The following IL18RAP variants were observed in gnomAD, a reference collection of about 807,000 sequenced individuals.
IL18RAP encodes the protein interleukin 18 receptor accessory protein.
In IL18RAP, 37 loss-of-function variants were observed where a neutral mutation model predicts 58.1. That is an observed-to-expected ratio of 0.64 (90% CI 0.49 to 0.84). IL18RAP has a LOEUF of 0.84. Ranked by LOEUF, IL18RAP falls within the 40% of genes least tolerant of loss-of-function variation. IL18RAP has a pLI of 0.00. For missense variants in IL18RAP, 667 were observed against 704.8 expected (o/e 0.95, Z 0.61); for synonymous variants, 268 against 257.5 (o/e 1.04, Z -0.39).
chr2:102,431,148 TG>T (rs1682324306), intron 3 of IL18RAP, among the ~76,000 whole-genome samples: 1 of 152,224 alleles, frequency 6.6e-6, no homozygotes, highest in Admixed American at 6.5e-5. Context: ...TTTGTTTGTC[TG>T]GGAAAGTTTA....
chr2:102,443,386 A>C, intron 6 of IL18RAP, 63 bp downstream of exon 6: 3 of 1,568,750 alleles, frequency 1.9e-6, no homozygotes, highest in Non-Finnish European at 2.6e-6. Flanking sequence ...TACCTTTAGA[A>C]ATGCCTAAAG....
intron 4 of IL18RAP, chr2:102,439,513 C>G (rs995963021): frequency 6.6e-6 from 1 of 152,316 alleles, no homozygotes; most frequent in African/African-American, 2.4e-5. Flanking sequence ...CAGGCACAGT[C>G]GTGGAGCAGC....
intron 3 of IL18RAP, among the ~76,000 whole-genome samples, chr2:102,431,390 A>G (rs1682344457): frequency 6.6e-6 from 1 of 152,192 alleles, no homozygotes; most frequent in Non-Finnish European, 1.5e-5. Flanking sequence ...ATTATGATGT[A>G]TCTTGGTAAA....
At chr2:102,443,079 T>C (rs1558644636) in intron 5 of IL18RAP, 121 bp from the exon 6 acceptor site, 1 of 892,638 alleles carries the variant, frequency 1.1e-6, no homozygotes, top group Admixed American at 2.5e-5. Context: ...CTGGCACACA[T>C]ATTCTACCTG....
At chr2:102,421,303 G>T (rs1681562692), upstream of IL18RAP, among the ~76,000 whole-genome samples, 1 of 152,180 alleles carries the variant, frequency 6.6e-6, no homozygotes, top group African/African-American at 2.4e-5. Flanking sequence ...TTATCCAGGT[G>T]GTCAGGGAAC....
rs370359061 is a variant in IL18RAP at position 102,424,144 on chromosome 2, C to G, written c.395+9C>G. The G allele has an allele frequency of 8.7e-6, 14 of 1,607,780 alleles. No homozygotes were observed. The highest frequency in any genetic ancestry group is 1.2e-5 in the Non-Finnish European group (14 of 1,175,772). ...AGACCCAAGATGATTAAGTATGATC[C>G]AAATACATTTCTATCTGAAAACATT... On this transcript the variant is annotated intron_variant, in intron 2 of 9. Coordinates refer to ENST00000687160, the MANE Select transcript of IL18RAP (RefSeq NM_001393487.1).
intron 5 of IL18RAP, 131 bp downstream of exon 5, chr2:102,441,508 T>G: frequency 1.5e-6 from 1 of 680,498 alleles, no homozygotes; most frequent in Non-Finnish European, 2.6e-6. Context: ...AGCCATTGAC[T>G]AGTTTTGTGA....
intron 3 of IL18RAP, among the ~76,000 whole-genome samples, chr2:102,425,140 C>G (rs1261599515): frequency 6.6e-6 from 1 of 152,178 alleles, no homozygotes; most frequent in East Asian, 1.9e-4. Context: ...GGAATAGAAT[C>G]TAAATCACTT....
At chr2:102,435,245 G>T (rs1682659005) in intron 3 of IL18RAP, 1 of 152,174 alleles carries the variant, frequency 6.6e-6, no homozygotes, top group Non-Finnish European at 1.5e-5. Context: ...TGGTTATGGG[G>T]ACCTTGCTGA....
intron 9 of IL18RAP, 38 bp downstream of exon 9, chr2:102,451,059 AG>A: frequency 6.5e-7 from 1 of 1,529,812 alleles, no homozygotes; most frequent in Non-Finnish European, 8.8e-7. Context: ...CAGTGCAAAA[AG>A]GGCAGTTCAA....
chr2:102,445,597 C>T (rs1021249224), intron 7 of IL18RAP, among the ~76,000 whole-genome samples: 16 of 152,222 alleles, frequency 1.1e-4, no homozygotes, highest in African/African-American at 3.4e-4. Context: ...AAAAGCAACT[C>T]ATTCATGCAC....
chr2:102,438,801 C>T (rs138800384), intron 4 of IL18RAP: 26 of 152,316 alleles, frequency 1.7e-4, no homozygotes, highest in African/African-American at 3.1e-4. Context: ...AATGAGTGCC[C>T]GGATGCTTTA....
intron 3 of IL18RAP, among the ~76,000 whole-genome samples, chr2:102,428,710 T>G (rs1682132994): frequency 6.6e-6 from 1 of 151,968 alleles, no homozygotes; most frequent in African/African-American, 2.4e-5. Context: ...TTCTCTTGCC[T>G]AATTGCTCTG....
intron 3 of IL18RAP, among the ~76,000 whole-genome samples, chr2:102,428,272 G>A: frequency 6.6e-6 from 1 of 151,484 alleles, no homozygotes; most frequent in East Asian, 1.9e-4. Context: ...CATTGAATGT[G>A]TAGATCACTT....
At chr2:102,445,737 AT>A (rs1683374511) in intron 7 of IL18RAP, among the ~76,000 whole-genome samples, 1 of 152,078 alleles carries the variant, frequency 6.6e-6, no homozygotes, top group Admixed American at 6.6e-5. Flanking sequence ...TGATGGATTC[AT>A]GTTCTGATGA....
At position 102,437,312 on chromosome 2, in the gene IL18RAP, A is replaced by T; in HGVS notation, c.680A>T (p.Asp227Val). The part of the protein sequence containing the change: ...GTYVCDYTQS[D>V]TVSSWTVRAV... ...TATGTATGTGATTACACTCAGTCGG[A>T]TACTGTGAGTTCGTGGACAGTCAGA... The change falls in exon 4 of 10, where the codon GAT becomes GTT. Residue 227 changes from aspartate (D) to valine (V), a missense_variant. Transcript: ENST00000687160. The T allele has an allele frequency of 2.5e-6, 4 of 1,613,778 alleles. No homozygotes were observed. Among genetic ancestry groups the T allele is most frequent in the Non-Finnish European group, 3.4e-6 (4 of 1,179,796 alleles).
intron 3 of IL18RAP, chr2:102,434,667 G>C (rs1200876182): frequency 1.3e-5 from 2 of 152,118 alleles, no homozygotes. Flanking sequence ...AACTAAAAGG[G>C]CACTCGAATG....
rs1421060068 is a variant in IL18RAP, at chr2:102,437,204, T to C, written c.580-8T>C. ...AAATTTATCTGCTTAAAATATCTTT[T>C]GGATTAGAATGGAAAACTCCTCTCT... is the stretch of plus-strand genomic sequence containing the variant. On this transcript the variant is annotated splice_region_variant and splice_polypyrimidine_tract_variant and intron_variant, in intron 3 of 9. Coordinates refer to ENST00000687160, the MANE Select transcript of IL18RAP (RefSeq NM_001393487.1). 6 of 1,600,634 alleles carry C rather than the reference T, an allele frequency of 3.7e-6. No homozygotes were observed. Among genetic ancestry groups the C allele is most frequent in the Non-Finnish European group, 5.1e-6 (6 of 1,175,376 alleles).
chr2:102,451,733 T>C (rs1683779816), intron 9 of IL18RAP, 33 bp from the exon 10 acceptor site: 2 of 1,565,142 alleles, frequency 1.3e-6, no homozygotes, highest in Non-Finnish European at 1.7e-6. Context: ...TTTAACAATA[T>C]CCATTGCAAA....
Sources: allele counts gnomAD v4.1 joint callset (sites outside exome capture counted in the v4.1 genomes callset), GRCh38; gene constraint gnomAD v4.1.1; transcripts MANE v1.5; gene names NCBI Gene and HGNC (gene_info 2026-07-23, HGNC 2026-07-21).